The following BACH2 variants were observed in gnomAD, a reference collection of about 807,000 sequenced individuals.
BACH2 encodes the protein transcription regulator protein BACH2.
A neutral mutation model predicts 61.8 loss-of-function variants in BACH2; 5 were observed. The ratio of observed to expected loss-of-function variants is 0.08; its 90% CI spans 0.04 to 0.17. The LOEUF is 0.17. BACH2 is among the 10% of genes least tolerant of loss of function. The pLI is 1.00. For synonymous variants in BACH2, 446 were observed against 440.1 expected, an observed-to-expected ratio of 1.01 and a Z score of -0.17; for missense variants, 824 against 1,091.1, an observed-to-expected ratio of 0.76 and a Z score of 3.45.
intron 4 of BACH2, among the ~76,000 whole-genome samples, chr6:90,178,234 G>C (rs965175003): frequency 6.6e-6 from 1 of 152,092 alleles, no homozygotes; most frequent in Non-Finnish European, 1.5e-5. Flanking sequence ...CTCTAACACT[G>C]AATTTCCCAG....
At chr6:90,062,913 A>G (rs1486758426) in intron 5 of BACH2, 5 of 985,224 alleles carry the variant, frequency 5.1e-6, no homozygotes. Flanking sequence ...AACACATTCC[A>G]GTTCCTGCTG....
intron 4 of BACH2, among the ~76,000 whole-genome samples, chr6:90,155,640 G>A (rs562674002): frequency 6.6e-6 from 1 of 152,256 alleles, no homozygotes; most frequent in Non-Finnish European, 1.5e-5. Flanking sequence ...CCTACAACAA[G>A]CACCTAATTT....
intron 4 of BACH2, among the ~76,000 whole-genome samples, chr6:90,103,029 A>ATATATATATATATATTTTTTTTTTTT: frequency 9.5e-5 from 2 of 21,164 alleles, no homozygotes; most frequent in African/African-American, 2.4e-4. Flanking sequence ...ATATATATAT[A>ATATATATATATATATTTTTTTTTTTT]TTTTTTTTTT....
chr6:90,189,807 C>T lies in BACH2; in HGVS notation c.-162+16762G>A, dbSNP rs543090428. 4.6e-5 allele frequency among the ~76,000 whole-genome samples: 7 copies of T among 152,218 alleles called. No individual in the cohort carries two copies. In the South Asian group the frequency reaches 1.5e-3, roughly 32 times the overall value. Reference sequence around the variant, plus strand: ...GCTTCAGGTTGGTTAATCTGCTGAGCCATGACACATATGAGAAGGTTCTCT... The same window carrying T: ...GCTTCAGGTTGGTTAATCTGCTGAGTCATGACACATATGAGAAGGTTCTCT... On this transcript the variant is annotated intron_variant, in intron 4 of 8. Coordinates refer to ENST00000257749, the MANE Select transcript of BACH2 (RefSeq NM_021813.4).
intron 4 of BACH2, among the ~76,000 whole-genome samples, chr6:90,094,120 A>G (rs1206854385): frequency 1.3e-5 from 2 of 152,244 alleles, no homozygotes; most frequent in Non-Finnish European, 2.9e-5. Context: ...TGAAGCTAAG[A>G]AAAGTAAATG....
intron 3 of BACH2, among the ~76,000 whole-genome samples, chr6:90,227,318 C>CG (rs1429711097): frequency 1.3e-5 from 2 of 152,194 alleles, no homozygotes; most frequent in Non-Finnish European, 2.9e-5. Flanking sequence ...ACTCAGACCC[C>CG]GGGCAGCCAG....
At chr6:90,056,415 G>C (rs1325511924) in intron 5 of BACH2, among the ~76,000 whole-genome samples, 1 of 152,140 alleles carries the variant, frequency 6.6e-6, no homozygotes, top group African/African-American at 2.4e-5. Flanking sequence ...TCAACAAGAA[G>C]AGCTAACTAT....
chr6:90,240,089 A>T (rs1770394480), intron 3 of BACH2, among the ~76,000 whole-genome samples: 2 of 152,128 alleles, frequency 1.3e-5, no homozygotes, highest in African/African-American at 4.8e-5. Flanking sequence ...ATTAAGCATT[A>T]AAAAAATTCA....
intron 4 of BACH2, among the ~76,000 whole-genome samples, chr6:90,174,004 A>T (rs1404557923): frequency 6.6e-6 from 1 of 152,210 alleles, no homozygotes; most frequent in African/African-American, 2.4e-5. Context: ...AATTTTAGGC[A>T]AAGAGATAAA....
intron 6 of BACH2, among the ~76,000 whole-genome samples, chr6:90,005,260 C>G (rs911761939): frequency 6.6e-6 from 1 of 152,130 alleles, no homozygotes; most frequent in African/African-American, 2.4e-5. Flanking sequence ...GAGGAACTCT[C>G]AGGCCTGGCT....
At chr6:90,231,076 AT>A (rs1770080901) in intron 3 of BACH2, among the ~76,000 whole-genome samples, 2 of 152,062 alleles carry the variant, frequency 1.3e-5, no homozygotes, top group Non-Finnish European at 2.9e-5. Flanking sequence ...CCTGCAGGCC[AT>A]TTCCAGCTGA....
chr6:90,030,184 C>A (rs1778888525), intron 5 of BACH2, among the ~76,000 whole-genome samples: 1 of 152,138 alleles, frequency 6.6e-6, no homozygotes, highest in South Asian at 2.1e-4. Context: ...CACGGCCTAT[C>A]TCAAACTGCC....
In BACH2 at chr6:90,036,595, T is replaced by C. The variant is rs544987035; in HGVS notation, c.-12-27739A>G. ...GCTTATTTCATTACACATCCATCCA[T>C]CTATATCCATCAGATTTTTTTCAAA... On this transcript the variant is annotated intron_variant, in intron 5 of 8. Coordinates refer to ENST00000257749, the MANE Select transcript of BACH2 (RefSeq NM_021813.4). Among the ~76,000 whole-genome samples the C allele has an allele frequency of 2.2e-4, 34 of 152,266 alleles. No individual in the cohort carries two copies. In the South Asian group the frequency reaches 6.8e-3, roughly 31 times the overall value.
chr6:90,152,124 A>G (rs1375327790), intron 4 of BACH2, among the ~76,000 whole-genome samples: 1 of 152,218 alleles, frequency 6.6e-6, no homozygotes, highest in Non-Finnish European at 1.5e-5. Context: ...CTTTAGAATA[A>G]ATCTCTTTCT....
intron 3 of BACH2, among the ~76,000 whole-genome samples, chr6:90,214,217 T>C (rs1186519521): frequency 6.6e-6 from 1 of 152,204 alleles, no homozygotes; most frequent in Non-Finnish European, 1.5e-5. Flanking sequence ...TTGTTCACTT[T>C]GGATTGAGAA....
chr6:90,028,463 A>T (rs540380766), intron 5 of BACH2, among the ~76,000 whole-genome samples: 19 of 152,074 alleles, frequency 1.2e-4, no homozygotes, highest in Non-Finnish European at 2.6e-4. Flanking sequence ...TACCTTTTGC[A>T]TGTATGTTCT....
At chr6:90,044,115 C>T (rs1779670693) in intron 5 of BACH2, among the ~76,000 whole-genome samples, 1 of 152,118 alleles carries the variant, frequency 6.6e-6, no homozygotes, top group African/African-American at 2.4e-5. Context: ...AGCCTTCATT[C>T]CATTGGAGAA....
chr6:90,215,933 G>A (rs954547801), intron 3 of BACH2, among the ~76,000 whole-genome samples: 1 of 152,154 alleles, frequency 6.6e-6, no homozygotes. Flanking sequence ...ACCCAAGTCT[G>A]CCCTCAGTTC....
At chr6:90,055,365 G>C (rs572576395) in intron 5 of BACH2, among the ~76,000 whole-genome samples, 5 of 152,284 alleles carry the variant, frequency 3.3e-5, no homozygotes, top group African/African-American at 1.2e-4. Flanking sequence ...CTGGAAGAAA[G>C]GGTATCAGTG....
Sources: allele counts gnomAD v4.1 joint callset (sites outside exome capture counted in the v4.1 genomes callset), GRCh38; gene constraint gnomAD v4.1.1; transcripts MANE v1.5; gene names NCBI Gene and HGNC (gene_info 2026-07-23, HGNC 2026-07-21).